MOB3B: variants seen among roughly 807,000 people sequenced by gnomAD.
MOB3B encodes MOB kinase activator-like 2B.
Under a neutral mutation model 18.7 loss-of-function variants are expected in MOB3B, and 7 were observed. The ratio of observed to expected loss-of-function variants is 0.37; its 90% CI spans 0.21 to 0.70. The LOEUF (loss-of-function observed/expected upper bound fraction) is 0.70, where lower values mean the gene tolerates loss of function less well. MOB3B is among the 30% of genes least tolerant of loss of function. The pLI is 0.52. For missense variants in MOB3B, 253 were observed against 281.3 expected (o/e 0.90, Z 0.72); for synonymous variants, 111 against 99.9 (o/e 1.11, Z -0.66).
intron 1 of MOB3B, among the ~76,000 whole-genome samples, chr9:27,495,158 G>T (rs1302606517): frequency 6.6e-6 from 1 of 151,884 alleles, no homozygotes; most frequent in Non-Finnish European, 1.5e-5. Context: ...GTGAGACCTT[G>T]TCTCTACAAG....
intron 1 of MOB3B, among the ~76,000 whole-genome samples, chr9:27,499,256 G>C (rs572174788): frequency 6.6e-6 from 1 of 152,110 alleles, no homozygotes; most frequent in Non-Finnish European, 1.5e-5. Flanking sequence ...GAGGAACAAG[G>C]AAAAATCACA....
intron 1 of MOB3B, among the ~76,000 whole-genome samples, chr9:27,462,218 GAT>G (rs1491544107): frequency 1.3e-5 from 2 of 151,432 alleles, no homozygotes; most frequent in African/African-American, 4.8e-5. Context: ...TGATTATACT[GAT>G]TTTTTTTAAA....
chr9:27,371,840 T>C (rs1003710170), intron 2 of MOB3B, among the ~76,000 whole-genome samples: 22 of 152,176 alleles, frequency 1.4e-4, no homozygotes, highest in African/African-American at 4.6e-4. Context: ...TCCAGAAATC[T>C]AGATTCTTAC....
intron 1 of MOB3B, 130 bp downstream of exon 1, chr9:27,529,425 C>A: frequency 2.1e-6 from 1 of 476,714 alleles, no homozygotes; most frequent in Non-Finnish European, 2.7e-6. Context: ...GACCGGTCCG[C>A]CGCCTCCCGC....
At chr9:27,389,826 T>C (rs7021452) in intron 2 of MOB3B, among the ~76,000 whole-genome samples, 56,717 of 151,884 alleles carry the variant, frequency 0.37, 11,818 homozygotes, top group East Asian at 0.78. Flanking sequence ...GGCATACAGC[T>C]CCCATTTCCA....
At chr9:27,412,596 G>A (rs1005599458) in intron 2 of MOB3B, among the ~76,000 whole-genome samples, 4 of 151,930 alleles carry the variant, frequency 2.6e-5, no homozygotes, top group Non-Finnish European at 4.4e-5. Flanking sequence ...TAAAGCACTG[G>A]GTTCCATTTT....
intron 1 of MOB3B, chr9:27,526,341 A>G (rs1049978709): frequency 6.6e-6 from 1 of 152,242 alleles, no homozygotes; most frequent in African/African-American, 2.4e-5. Flanking sequence ...AGTGCAAACC[A>G]TTTAGTAAAA....
chr9:27,404,599 C>T (rs1188876360), intron 2 of MOB3B, among the ~76,000 whole-genome samples: 2 of 151,922 alleles, frequency 1.3e-5, no homozygotes. Flanking sequence ...CTCAGGTGAT[C>T]CACCCGCCTT....
chr9:27,376,867 A>G (rs1216662492), intron 2 of MOB3B, among the ~76,000 whole-genome samples: 2 of 152,184 alleles, frequency 1.3e-5, no homozygotes, highest in Non-Finnish European at 2.9e-5. Context: ...ATCCATGACA[A>G]ATTTTAAGAA....
In MOB3B at chr9:27,455,396, C is replaced by A; in HGVS notation, c.155G>T (p.Ser52Ile). 6.2e-7 allele frequency: 1 copy of A among 1,614,238 alleles called. No homozygotes were observed. The highest frequency in any genetic ancestry group is 8.5e-7 in the Non-Finnish European group (1 of 1,180,048). ...VDLKAAVQLP[S>I]GEDQNDWVAV... ...CACCCAGTCATTCTGGTCCTCCCCA[C>A]TGGGCAACTGCACAGCCGCCTTCAG... Residue 52 changes from serine to isoleucine, a missense_variant, in exon 2 of 4, where the codon AGT becomes ATT. Coordinates refer to ENST00000262244, the MANE Select transcript of MOB3B (RefSeq NM_024761.5).
At chr9:27,525,062 G>A in intron 1 of MOB3B, 1 of 1,016,750 alleles carries the variant, frequency 9.8e-7, no homozygotes, top group Non-Finnish European at 1.4e-6. Context: ...CTGTAAGCCT[G>A]TCCTCAGTTG....
chr9:27,397,965 C>G (rs1268201339), intron 2 of MOB3B, among the ~76,000 whole-genome samples: 8 of 152,152 alleles, frequency 5.3e-5, no homozygotes, highest in Non-Finnish European at 1.0e-4. Context: ...CCAAATCTCT[C>G]CCAGTTAAGA....
At chr9:27,504,545 C>T (rs377414253) in intron 1 of MOB3B, among the ~76,000 whole-genome samples, 3 of 152,170 alleles carry the variant, frequency 2.0e-5, no homozygotes. Context: ...TAGAGTGATA[C>T]TTGGCCCTGG....
chr9:27,327,362 G>T lies in MOB3B; in HGVS notation c.*3225C>A, dbSNP rs1820728151. On this transcript the variant is annotated 3_prime_UTR_variant, in exon 4 of 4. Transcript: ENST00000262244. ...AGTCCTAATATCAGAAAAGAGACAA[G>T]TAGACATTATGTGCTTCCTGAGGTG... 3 of 152,174 alleles carry T rather than the reference G, an allele frequency of 2.0e-5. No individual in the cohort carries two copies. Among genetic ancestry groups the T allele is most frequent in the Admixed American group, 2.0e-4 (3 of 15,278 alleles). The allele number at this position is 152,174 out of a possible 1,614,324, so 9.4% of individuals were successfully genotyped here. A position where few individuals can be genotyped will look rare whatever the true frequency, so the allele number is the denominator to read the frequency against.
At chr9:27,467,638 C>T (rs1819407010) in intron 1 of MOB3B, among the ~76,000 whole-genome samples, 1 of 152,252 alleles carries the variant, frequency 6.6e-6, no homozygotes, top group African/African-American at 2.4e-5. Flanking sequence ...TTACTAACAT[C>T]GCCCCAGGGC....
rs575154861 is a variant in MOB3B at position 27,340,069 on chromosome 9, G to A, written c.622-9453C>T. ...AATGTGGGTGGCAAATAAGCCAAAC[G>A]AAATAAAAATAGAAACAAGGCAGGC... On this transcript the variant is annotated intron_variant, in intron 3 of 3. Transcript: ENST00000262244. Among the ~76,000 whole-genome samples, 10 of 152,308 alleles carry A rather than the reference G, an allele frequency of 6.6e-5. No homozygotes were observed. The East Asian group carries it at 9.6e-4, about 15-fold the overall frequency.
At chr9:27,480,256 T>C (rs867688162) in intron 1 of MOB3B, among the ~76,000 whole-genome samples, 1 of 150,982 alleles carries the variant, frequency 6.6e-6, no homozygotes, top group Non-Finnish European at 1.5e-5. Context: ...CCTGCCTCAG[T>C]CTCTCAAGTA....
chr9:27,455,273 C>T lies in MOB3B; in HGVS notation c.278G>A (p.Gly93Asp). ...TERTCPVMSG[G>D]PKYEYRWQDD... ...CTGCCACCGATACTCATATTTGGGGCCCCCTGACATCACAGGACAGGTCCG... is the reference window on the plus strand; with the variant it reads ...CTGCCACCGATACTCATATTTGGGGTCCCCTGACATCACAGGACAGGTCCG... The change falls in exon 2 of 4, where the codon GGC becomes GAC. Residue 93 changes from glycine (G) to aspartate (D), a missense_variant. By Grantham distance (94) the Gly-to-Asp change is moderately conservative. Coordinates refer to ENST00000262244, the MANE Select transcript of MOB3B (RefSeq NM_024761.5). 1 of 1,613,892 alleles carries T rather than the reference C, an allele frequency of 6.2e-7. No individual in the cohort carries two copies.
chr9:27,507,107 T>C (rs917715909), intron 1 of MOB3B, among the ~76,000 whole-genome samples: 2 of 152,208 alleles, frequency 1.3e-5, no homozygotes, highest in Non-Finnish European at 2.9e-5. Context: ...TAAGACACTG[T>C]GCTAAGCATT....
Sources: allele counts gnomAD v4.1 joint callset (sites outside exome capture counted in the v4.1 genomes callset), GRCh38; gene constraint gnomAD v4.1.1; transcripts MANE v1.5; gene names NCBI Gene and HGNC (gene_info 2026-07-23, HGNC 2026-07-21).